Variants in DLGAP2 observed in about 807,000 individuals in gnomAD.
DLGAP2 encodes disks large-associated protein 2.
DLGAP2 carries 26 observed loss-of-function variants against 100.3 expected under a neutral mutation model. That is an observed-to-expected ratio of 0.26 (90% CI 0.19 to 0.36). The LOEUF (loss-of-function observed/expected upper bound fraction) is 0.36, where lower values mean the gene tolerates loss of function less well. DLGAP2 is among the 10% of genes least tolerant of loss of function. The pLI is 1.00. For missense variants in DLGAP2, 1,858 were observed against 1,453.2 expected (o/e 1.28, Z -4.53); for synonymous variants, 886 against 630.1 (o/e 1.41, Z -6.08).
At chr8:977,069 A>G (rs1455213880) in intron 2 of DLGAP2, among the ~76,000 whole-genome samples, 1 of 152,260 alleles carries the variant, frequency 6.6e-6, no homozygotes, top group East Asian at 1.9e-4. Flanking sequence ...GCCAGGATTT[A>G]TGACTTGTCT....
At chr8:1,298,458 C>T (rs370788963) in intron 3 of DLGAP2, among the ~76,000 whole-genome samples, 35 of 152,264 alleles carry the variant, frequency 2.3e-4, no homozygotes, top group East Asian at 3.9e-4. Context: ...GGTATAAATA[C>T]GGTTTCATGG....
intron 4 of DLGAP2, among the ~76,000 whole-genome samples, chr8:1,506,458 T>C (rs1799917928): frequency 6.6e-6 from 1 of 152,192 alleles, no homozygotes; most frequent in Admixed American, 6.5e-5. Flanking sequence ...CGGTTTGTGG[T>C]CTCAATGGCC....
Position 1,267,609 on chromosome 8 carries a change from AAGATAAGATAAGAT to A in DLGAP2, c.106+8728_106+8741del, listed in dbSNP as rs1563052041. The stretch of plus-strand genomic sequence containing the variant: ...AAAATAAGATAAGATAAGATAAGAT[AAGATAAGATAAGAT>A]AAATATTAAATAGGTCTACAAAAAG... On this transcript the variant is annotated intron_variant, in intron 3 of 14. Transcript: ENST00000637795. Among the ~76,000 whole-genome samples, 19 of 114,824 alleles carry A rather than the reference AAGATAAGATAAGAT, an allele frequency of 1.7e-4. 2 individuals carry two copies. The highest frequency in any genetic ancestry group is 6.2e-4 in the African/African-American group (17 of 27,516). 75.3% of individuals were successfully genotyped at this position (114,824 alleles called of 152,430 possible).
rs1797467427 is a variant in DLGAP2 at position 1,625,456 on chromosome 8, A to C, written c.1443-1284A>C. ...CGAGAAGGAAGACCAGAGAACATTG[A>C]TTTATTTTAAGGGAGTTTGGAAGAA... On this transcript the variant is annotated intron_variant, in intron 6 of 14. Transcript: ENST00000637795. Among the ~76,000 whole-genome samples, 5 of 152,140 alleles carry C rather than the reference A, an allele frequency of 3.3e-5. No homozygotes were observed. The South Asian group carries it at 1.0e-3, about 32-fold the overall frequency.
intron 2 of DLGAP2, among the ~76,000 whole-genome samples, chr8:1,086,317 T>C (rs902121340): frequency 6.6e-6 from 1 of 152,088 alleles, no homozygotes; most frequent in African/African-American, 2.4e-5. Context: ...GTGGTAAGAG[T>C]GGGCATTTTT....
intron 2 of DLGAP2, among the ~76,000 whole-genome samples, chr8:1,199,028 G>T (rs12547340): frequency 0.2 from 29,959 of 152,218 alleles, 3,105 homozygotes; most frequent in East Asian, 0.34. Flanking sequence ...CAGAGGTCGC[G>T]TGGTTGAATA....
At chr8:1,181,985 A>G (rs918605250) in intron 2 of DLGAP2, among the ~76,000 whole-genome samples, 1 of 152,264 alleles carries the variant, frequency 6.6e-6, no homozygotes, top group Admixed American at 6.5e-5. Context: ...GTTGAGGCAG[A>G]AGGTGAAGTG....
intron 2 of DLGAP2, among the ~76,000 whole-genome samples, chr8:1,001,682 C>A (rs1313560317): frequency 6.8e-6 from 1 of 147,624 alleles, no homozygotes; most frequent in Non-Finnish European, 1.5e-5. Flanking sequence ...ATAGAAGTTG[C>A]CAAGTCCCAT....
intron 2 of DLGAP2, among the ~76,000 whole-genome samples, chr8:1,045,646 A>G (rs1053003322): frequency 4.6e-5 from 7 of 151,926 alleles, no homozygotes; most frequent in Admixed American, 3.9e-4. Flanking sequence ...CCGCGCCCCC[A>G]CCCAGGTCCT....
chr8:1,172,730 T>C (rs1314670966), intron 2 of DLGAP2, among the ~76,000 whole-genome samples: 2 of 152,224 alleles, frequency 1.3e-5, no homozygotes, highest in Non-Finnish European at 2.9e-5. Context: ...GGCTTTCAGC[T>C]CCATCAGCTC....
At chr8:1,299,662 A>G (rs897176574) in intron 3 of DLGAP2, among the ~76,000 whole-genome samples, 1 of 152,186 alleles carries the variant, frequency 6.6e-6, no homozygotes, top group Admixed American at 6.5e-5. Flanking sequence ...CAATAATGCT[A>G]TTCCCTATCT....
At chr8:1,369,441 C>A (rs183876324) in intron 3 of DLGAP2, 10 of 152,302 alleles carry the variant, frequency 6.6e-5, no homozygotes, top group South Asian at 2.1e-4. Context: ...TCTTCACATG[C>A]AGTCACATTC....
intron 2 of DLGAP2, among the ~76,000 whole-genome samples, chr8:920,047 G>A (rs916520536): frequency 1.3e-5 from 2 of 152,180 alleles, no homozygotes; most frequent in Non-Finnish European, 2.9e-5. Context: ...GAGAAAGCAC[G>A]CGGAGCATGG....
intron 6 of DLGAP2, among the ~76,000 whole-genome samples, chr8:1,569,366 A>G (rs749572847): frequency 6.6e-6 from 1 of 152,242 alleles, no homozygotes; most frequent in Non-Finnish European, 1.5e-5. Context: ...CGTGTTGTAG[A>G]TAATAAAGCA....
At chr8:1,648,817 A>G (rs567358804) in intron 8 of DLGAP2, among the ~76,000 whole-genome samples, 15 of 152,206 alleles carry the variant, frequency 9.9e-5, no homozygotes, top group African/African-American at 3.1e-4. Flanking sequence ...ATCTTTGCCA[A>G]TGGAGAGGAT....
intron 2 of DLGAP2, chr8:1,105,084 G>A (rs1804712916): frequency 1.3e-5 from 2 of 152,268 alleles, no homozygotes; most frequent in African/African-American, 4.8e-5. Context: ...CTCATGACAT[G>A]AGGATGTGTT....
chr8:1,022,552 G>A (rs116776302), intron 2 of DLGAP2, among the ~76,000 whole-genome samples: 3 of 142,936 alleles, frequency 2.1e-5, no homozygotes, highest in Non-Finnish European at 4.5e-5. Context: ...GGAGTGGACG[G>A]TCACGTGCCG....
At chr8:1,529,972 A>G (rs532537203) in intron 4 of DLGAP2, among the ~76,000 whole-genome samples, 56 of 152,318 alleles carry the variant, frequency 3.7e-4, no homozygotes, top group African/African-American at 1.3e-3. Context: ...TTACAAGGTA[A>G]TAGAATACCA....
chr8:893,202 C>A (rs889291149), intron 1 of DLGAP2: 1 of 152,218 alleles, frequency 6.6e-6, no homozygotes, highest in Admixed American at 6.5e-5. Flanking sequence ...AGGCCGGATC[C>A]TGCAGAGTGG....
Sources: gnomAD v4.1 joint callset for allele counts (sites outside exome capture counted in the v4.1 genomes callset) on GRCh38, gnomAD v4.1.1 for gene constraint, MANE v1.5 for transcripts, NCBI Gene and HGNC (gene_info 2026-07-23, HGNC 2026-07-21) for gene names.